The following LRBA variants were observed in gnomAD, a reference collection of about 807,000 sequenced individuals.
LRBA encodes LPS responsive beige-like anchor protein.
A neutral mutation model predicts 330.0 loss-of-function variants in LRBA; 176 were observed. That is an observed-to-expected ratio of 0.53 (90% CI 0.47 to 0.60). LRBA has a LOEUF of 0.60. Ranked by LOEUF, LRBA falls within the 20% of genes least tolerant of loss-of-function variation. The pLI is 0.00. For synonymous variants in LRBA, 1,230 were observed against 1,193.0 expected (o/e 1.03, Z -0.64); for missense variants, 3,259 against 3,444.8 (o/e 0.95, Z 1.35).
chr4:150,666,514 C>T (rs1270990521), intron 37 of LRBA, among the ~76,000 whole-genome samples: 1 of 147,156 alleles, frequency 6.8e-6, no homozygotes, highest in African/African-American at 2.5e-5. Flanking sequence ...ACACCATCTC[C>T]AAAAAAGAAA....
chr4:150,857,958 G>A (rs978877609), intron 22 of LRBA, among the ~76,000 whole-genome samples: 3 of 152,030 alleles, frequency 2.0e-5, no homozygotes, highest in East Asian at 1.9e-4. Flanking sequence ...GTAAAAATAC[G>A]ATCACATTTT....
Position 150,848,913 on chromosome 4 carries a change from T to A in LRBA, c.4244A>T (p.Asp1415Val). ...AAGAGAACTTGCAAATATAAGCACATCCACAAGGCTAATTAGCCTCTGCAA... is the reference window on the plus strand; with the variant it reads ...AAGAGAACTTGCAAATATAAGCACAACCACAAGGCTAATTAGCCTCTGCAA... ...TFLQRLISLVDVLIFASSLGF... is the reference protein window; with the variant it reads ...TFLQRLISLVVVLIFASSLGF... Residue 1415 changes from aspartate to valine, a missense_variant, in exon 26 of 57, where the codon GAT becomes GTT. Transcript: ENST00000651943. The A allele has an allele frequency of 6.2e-7, 1 of 1,613,052 alleles. No individual in the cohort carries two copies. The highest frequency in any genetic ancestry group is 8.5e-7 in the Non-Finnish European group (1 of 1,179,278).
chr4:150,446,645 G>C (rs1752653470), intron 44 of LRBA, among the ~76,000 whole-genome samples: 2 of 152,134 alleles, frequency 1.3e-5, no homozygotes, highest in Admixed American at 6.5e-5. Flanking sequence ...TGCTAAAATA[G>C]TCCAGTCCCT....
chr4:150,666,292 G>C (rs1581982697), intron 37 of LRBA, among the ~76,000 whole-genome samples: 1 of 152,198 alleles, frequency 6.6e-6, no homozygotes, highest in East Asian at 1.9e-4. Context: ...CAGCACTTTG[G>C]GAGGCTGAGG....
At chr4:150,793,854 G>A (rs1237481794) in intron 34 of LRBA, among the ~76,000 whole-genome samples, 2 of 152,066 alleles carry the variant, frequency 1.3e-5, no homozygotes, top group Non-Finnish European at 2.9e-5. Flanking sequence ...TAATGTGCTA[G>A]GTACCAGAAA....
At chr4:150,548,597 T>C (rs1374587674) in intron 40 of LRBA, among the ~76,000 whole-genome samples, 2 of 152,118 alleles carry the variant, frequency 1.3e-5, no homozygotes, top group South Asian at 2.1e-4. Context: ...ACATCAATAT[T>C]AGTTATTTAC....
chr4:150,901,734 C>A (rs1283263842), intron 13 of LRBA, among the ~76,000 whole-genome samples: 1 of 152,150 alleles, frequency 6.6e-6, no homozygotes, highest in Non-Finnish European at 1.5e-5. Context: ...AAAAGCAGGG[C>A]TTGGAAGATC....
chr4:150,552,254 A>T lies in LRBA; in HGVS notation c.6330+35794T>A, dbSNP rs1161226178. 2.6e-5 allele frequency among the ~76,000 whole-genome samples: 4 copies of T among 152,158 alleles called. No homozygotes were observed. In the East Asian group the frequency reaches 7.7e-4, roughly 29 times the overall value. ...AAAAATACAGTTTATGCCAAGATCCAAAAAATAGTCAAGTCAGAAAGTTAA... is the reference window on the plus strand; with the variant it reads ...AAAAATACAGTTTATGCCAAGATCCTAAAAATAGTCAAGTCAGAAAGTTAA... On this transcript the variant is annotated intron_variant, in intron 40 of 56. Transcript: ENST00000651943.
chr4:150,977,195 C>T (rs1485291480), intron 2 of LRBA, among the ~76,000 whole-genome samples: 2 of 152,210 alleles, frequency 1.3e-5, no homozygotes, highest in African/African-American at 4.8e-5. Context: ...CAGCTTGCAA[C>T]AACAAAAGTG....
intron 36 of LRBA, among the ~76,000 whole-genome samples, chr4:150,703,151 A>G (rs919867221): frequency 6.6e-6 from 1 of 152,218 alleles, no homozygotes; most frequent in Non-Finnish European, 1.5e-5. Context: ...ACAGTGCGAG[A>G]CTTCGTCTCC....
chr4:150,871,013 GT>G (rs1397607640), intron 19 of LRBA, among the ~76,000 whole-genome samples: 1 of 152,166 alleles, frequency 6.6e-6, no homozygotes, highest in Non-Finnish European at 1.5e-5. Context: ...GGAGGCTGAA[GT>G]GGGTAGATCG....
intron 40 of LRBA, among the ~76,000 whole-genome samples, chr4:150,491,264 G>A (rs564921067): frequency 3.0e-4 from 46 of 151,706 alleles, no homozygotes; most frequent in Admixed American, 6.6e-4. Context: ...GTATATATTC[G>A]GGCTTTTAAA....
chr4:150,715,485 TC>T (rs528444554), intron 36 of LRBA, among the ~76,000 whole-genome samples: 61 of 152,158 alleles, frequency 4.0e-4, no homozygotes, highest in Non-Finnish European at 7.1e-4. Context: ...AGAAAAATGT[TC>T]AAAGTCAAAT....
intron 40 of LRBA, among the ~76,000 whole-genome samples, chr4:150,534,333 C>T (rs966908872): frequency 8.5e-6 from 1 of 117,344 alleles, no homozygotes; most frequent in Non-Finnish European, 1.8e-5. Context: ...TACCCTAAAA[C>T]TTGAAGTATA....
At chr4:150,288,846 GT>G (rs1164701965) in intron 53 of LRBA, among the ~76,000 whole-genome samples, 4 of 104,082 alleles carry the variant, frequency 3.8e-5, no homozygotes, top group African/African-American at 1.5e-4. Flanking sequence ...TGAAATTTGT[GT>G]TTTAACTTGA....
chr4:150,922,394 GTATA>G (rs56340108), intron 4 of LRBA, among the ~76,000 whole-genome samples: 16 of 139,722 alleles, frequency 1.1e-4, no homozygotes, highest in Admixed American at 8.7e-4. Context: ...AGAAACTGTG[GTATA>G]TATATATATA....
chr4:150,309,331 C>T (rs1324373918), intron 52 of LRBA, among the ~76,000 whole-genome samples: 1 of 152,066 alleles, frequency 6.6e-6, no homozygotes, highest in Non-Finnish European at 1.5e-5. Flanking sequence ...AATATCCCAT[C>T]TAGTTTGTGT....
At chr4:150,673,473 T>C (rs1312816566) in intron 37 of LRBA, among the ~76,000 whole-genome samples, 2 of 152,196 alleles carry the variant, frequency 1.3e-5, no homozygotes, top group Non-Finnish European at 2.9e-5. Context: ...TTTTCTCAGA[T>C]GTATTTTTCC....
chr4:150,908,761 T>C lies in LRBA; in HGVS notation c.1258A>G (p.Thr420Ala), dbSNP rs1403764817. Residue 420 changes from threonine (T) to alanine (A), a missense_variant, in exon 10 of 57, where the codon ACG (threonine) becomes GCG (alanine). Transcript: ENST00000651943. ...GCATCTGTAGCCCGTGGATTGTACG[T>C]GAATGCAATGGCACTAGAGAGTTTC... ...DGKLSSAIAF[T>A]YNPRATDAQL... is the part of the protein sequence containing the mutation. 1.1e-5 allele frequency: 17 copies of C among 1,613,612 alleles called. No individual in the cohort carries two copies. In the East Asian group the frequency reaches 3.8e-4, roughly 36 times the overall value.
Sources: gnomAD v4.1 joint callset for allele counts (sites outside exome capture counted in the v4.1 genomes callset) on GRCh38, gnomAD v4.1.1 for gene constraint, MANE v1.5 for transcripts, NCBI Gene and HGNC (gene_info 2026-07-23, HGNC 2026-07-21) for gene names.